Variants in TFDP1 observed in about 807,000 individuals in gnomAD.
TFDP1 encodes the protein transcription factor Dp-1.
Under a neutral mutation model 48.0 loss-of-function variants are expected in TFDP1, and 6 were observed. The ratio of observed to expected loss-of-function variants is 0.13; its 90% CI spans 0.07 to 0.25. The LOEUF is 0.25. TFDP1 is among the 10% of genes least tolerant of loss of function. The probability of loss-of-function intolerance (pLI) is 1.00; values close to 1 mark genes in which losing one functional copy is unlikely to be tolerated. For synonymous variants in TFDP1, 201 were observed against 211.6 expected (o/e 0.95, Z 0.44); for missense variants, 335 against 543.0 (o/e 0.62, Z 3.81).
chr13:113,602,408 A>G (rs1021473406), intron 2 of TFDP1, among the ~76,000 whole-genome samples: 3 of 152,150 alleles, frequency 2.0e-5, no homozygotes, highest in Non-Finnish European at 4.4e-5. Flanking sequence ...AGTTCTGTGC[A>G]GGAGTCCCGT....
chr13:113,599,186 C>A (rs1040803903), intron 2 of TFDP1, among the ~76,000 whole-genome samples: 19 of 151,180 alleles, frequency 1.3e-4, no homozygotes, highest in African/African-American at 4.6e-4. Context: ...TTTTTCACAT[C>A]AATAAATATA....
At chr13:113,617,865 TAATAG>T (rs1477424418) in intron 3 of TFDP1, among the ~76,000 whole-genome samples, 1 of 152,262 alleles carries the variant, frequency 6.6e-6, no homozygotes, top group Non-Finnish European at 1.5e-5. Flanking sequence ...CTATAGATAT[TAATAG>T]AATAGGATTA....
At chr13:113,635,144 C>G (rs2049450881) in intron 8 of TFDP1, among the ~76,000 whole-genome samples, 1 of 152,208 alleles carries the variant, frequency 6.6e-6, no homozygotes. Context: ...GCTGGCCTTC[C>G]CCACCTCCCA....
intron 3 of TFDP1, among the ~76,000 whole-genome samples, chr13:113,612,168 G>T (rs921864081): frequency 6.6e-6 from 1 of 152,204 alleles, no homozygotes; most frequent in Non-Finnish European, 1.5e-5. Flanking sequence ...TTTCTGTCCA[G>T]TGCTGGTGCG....
At chr13:113,584,928 G>A (rs1401888427) in intron 1 of TFDP1, 40 bp downstream of exon 1, 3 of 146,390 alleles carry the variant, frequency 2.0e-5, no homozygotes, top group Admixed American at 6.8e-5. Context: ...CCGCGGGCGG[G>A]AGCCGGGGGT....
At chr13:113,635,746 G>C (rs557041106) in intron 8 of TFDP1, among the ~76,000 whole-genome samples, 1 of 152,208 alleles carries the variant, frequency 6.6e-6, no homozygotes, top group African/African-American at 2.4e-5. Flanking sequence ...TCAGGGCACG[G>C]ATGGCTGTGC....
At chr13:113,624,195 A>G (rs1251556895) in intron 4 of TFDP1, among the ~76,000 whole-genome samples, 1 of 151,218 alleles carries the variant, frequency 6.6e-6, no homozygotes, top group Non-Finnish European at 1.5e-5. Flanking sequence ...CTCCTGGCCC[A>G]CTCCACCCCC....
intron 3 of TFDP1, among the ~76,000 whole-genome samples, chr13:113,622,488 G>A (rs1007480171): frequency 1.3e-5 from 2 of 152,180 alleles, no homozygotes; most frequent in Non-Finnish European, 2.9e-5. Flanking sequence ...CCTGGTTTAC[G>A]GTTTCTTTGT....
chr13:113,603,132 A>G (rs2048481431), intron 2 of TFDP1, among the ~76,000 whole-genome samples: 1 of 152,236 alleles, frequency 6.6e-6, no homozygotes, highest in Non-Finnish European at 1.5e-5. Context: ...AGTAGATTAG[A>G]AAGTGCAGAG....
At chr13:113,615,195 C>T (rs1465125405) in intron 3 of TFDP1, among the ~76,000 whole-genome samples, 1 of 152,184 alleles carries the variant, frequency 6.6e-6, no homozygotes, top group Non-Finnish European at 1.5e-5. Context: ...TGGGTTGCCT[C>T]TGATTGTTTC....
Position 113,636,047 on chromosome 13 carries a change from C to T in TFDP1, c.758C>T (p.Pro253Leu). 6.2e-7 allele frequency: 1 copy of T among 1,614,190 alleles called. No individual in the cohort carries two copies. The highest frequency in any genetic ancestry group is 8.5e-7 in the Non-Finnish European group (1 of 1,180,032). The change falls in exon 9 of 12, where the codon CCC (proline) becomes CTC (leucine). Residue 253 changes from proline (P) to leucine (L), a missense_variant. This residue lies in a region of TFDP1 where 204 missense variants were observed against 287.1 expected (regional missense o/e 0.71). Transcript: ENST00000375370. ...AEQQASRPPP[P>L]NSVIHLPFII... is the part of the protein sequence containing the mutation. ...CAGCAGGCCAGCCGGCCACCGCCAC[C>T]CAACTCAGTCATCCACCTGCCCTTC...
At chr13:113,612,658 A>G (rs1032532523) in intron 3 of TFDP1, among the ~76,000 whole-genome samples, 2 of 152,126 alleles carry the variant, frequency 1.3e-5, no homozygotes, top group Non-Finnish European at 2.9e-5. Flanking sequence ...TTGAATTTGA[A>G]TTTCTCTTGT....
Position 113,605,877 on chromosome 13 carries a change from C to T in TFDP1, c.13-5119C>T, listed in dbSNP as rs191230339. 3.5e-5 allele frequency among the ~76,000 whole-genome samples: 5 copies of T among 141,404 alleles called. No individual in the cohort carries two copies. In the East Asian group the frequency reaches 6.9e-4, roughly 19 times the overall value. 92.8% of individuals were successfully genotyped at this position (141,404 alleles called of 152,430 possible). ...GTCCGCAGGGGATCCTGTGGGAAGG[C>T]GGTGCGGTGATGAGTGTCCAAGGCG... On this transcript the variant is annotated intron_variant, in intron 2 of 11. Coordinates refer to ENST00000375370, the MANE Select transcript of TFDP1 (RefSeq NM_007111.5).
At chr13:113,605,584 G>C (rs572515605) in intron 2 of TFDP1, among the ~76,000 whole-genome samples, 4 of 152,332 alleles carry the variant, frequency 2.6e-5, no homozygotes, top group African/African-American at 9.6e-5. Context: ...AGGCCTCAAG[G>C]CCAGGGTCTG....
At chr13:113,595,896 C>T (rs969258993) in intron 2 of TFDP1, among the ~76,000 whole-genome samples, 1 of 152,232 alleles carries the variant, frequency 6.6e-6, no homozygotes, top group African/African-American at 2.4e-5. Context: ...TCCTGGCTAA[C>T]ATGGTGAAAC....
chr13:113,593,408 C>G (rs571885634), intron 2 of TFDP1, among the ~76,000 whole-genome samples: 96 of 137,858 alleles, frequency 7.0e-4, no homozygotes, highest in Non-Finnish European at 1.2e-3. Flanking sequence ...GTCCTCAGCC[C>G]TGCCCAGGTG....
Position 113,623,690 on chromosome 13 carries a change from C to CCAGAGAG in TFDP1, c.186+405_186+411dup, listed in dbSNP as rs2049050524. On this transcript the variant is annotated intron_variant, in intron 4 of 11. Coordinates refer to ENST00000375370, the MANE Select transcript of TFDP1 (RefSeq NM_007111.5). The surrounding 1 kb of genome is among the most constrained non-coding windows in gnomAD (Gnocchi z 5.2). ...CTCCTGGAGACATCAGGCTGGGAAG[C>CCAGAGAG]CAGAGAGGGATAGGGCCCTGGCCGT... Among the ~76,000 whole-genome samples the CCAGAGAG allele has an allele frequency of 6.6e-6, 1 of 152,164 alleles. No homozygotes were observed. Among genetic ancestry groups the CCAGAGAG allele is most frequent in the Non-Finnish European group, 1.5e-5 (1 of 68,014 alleles).
chr13:113,634,167 A>G lies in TFDP1; in HGVS notation c.618+134A>G, dbSNP rs756864818. 7.9e-6 allele frequency: 10 copies of G among 1,265,710 alleles called. No individual in the cohort carries two copies. In the African/African-American group the frequency reaches 1.2e-4, roughly 15 times the overall value. 78.4% of individuals were successfully genotyped at this position (1,265,710 alleles called of 1,614,324 possible). A position where few individuals can be genotyped will look rare whatever the true frequency, so the allele number is the denominator to read the frequency against. On this transcript the variant is annotated intron_variant, in intron 7 of 11. Coordinates refer to ENST00000375370, the MANE Select transcript of TFDP1 (RefSeq NM_007111.5). ...GTCCGGCTGGCAGACGGTCATGCAGACGTCTCCCTGCGTTTCTCAGTCTTG... is the reference window on the plus strand; with the variant it reads ...GTCCGGCTGGCAGACGGTCATGCAGGCGTCTCCCTGCGTTTCTCAGTCTTG...
chr13:113,592,404 G>A (rs1162466472), intron 2 of TFDP1, among the ~76,000 whole-genome samples: 4 of 152,198 alleles, frequency 2.6e-5, no homozygotes, highest in African/African-American at 7.2e-5. Flanking sequence ...TGATCCGCCC[G>A]CCTTGGCCTC....
Sources: allele counts gnomAD v4.1 joint callset (sites outside exome capture counted in the v4.1 genomes callset), GRCh38; gene constraint gnomAD v4.1.1; regional missense constraint gnomAD v4.1.1; non-coding constraint Gnocchi (gnomAD v3.1); transcripts MANE v1.5; gene names NCBI Gene and HGNC (gene_info 2026-07-23, HGNC 2026-07-21).